The following EDDM13 variants were observed in gnomAD, a reference collection of about 807,000 sequenced individuals.
EDDM13 encodes the protein epididymal protein 13.
Under a neutral mutation model 17.8 loss-of-function variants are expected in EDDM13, and 24 were observed. The ratio of observed to expected loss-of-function variants is 1.35; its 90% CI spans 0.98 to 1.90. EDDM13 has a LOEUF of 1.90. EDDM13 is among the 40% of genes most tolerant of loss of function. The pLI, the probability that EDDM13 is intolerant of heterozygous loss-of-function variation, is 0.00. For missense variants in EDDM13, 97 were observed against 100.8 expected (o/e 0.96, Z 0.16); for synonymous variants, 31 against 37.5 (o/e 0.83, Z 0.63).
At chr19:56,303,975 G>A (rs556374562) in intron 13 of EDDM13, among the ~76,000 whole-genome samples, 1 of 152,284 alleles carries the variant, frequency 6.6e-6, no homozygotes, top group African/African-American at 2.4e-5. Context: ...GACCTGAGAG[G>A]GGCAGGGGGG....
At chr19:56,295,287 A>C (rs2039791935) in intron 9 of EDDM13, 1 of 152,136 alleles carries the variant, frequency 6.6e-6, no homozygotes, top group Non-Finnish European at 1.5e-5. Flanking sequence ...CCTACATTAG[A>C]GTGACACAAA....
intron 1 of EDDM13, among the ~76,000 whole-genome samples, chr19:56,275,381 T>G (rs2038169860): frequency 6.6e-6 from 1 of 152,178 alleles, no homozygotes; most frequent in South Asian, 2.1e-4. Flanking sequence ...TGACTTTTCT[T>G]CTCCATTTAT....
At chr19:56,280,526 T>C (rs1194797889) in intron 2 of EDDM13, 1 of 152,196 alleles carries the variant, frequency 6.6e-6, no homozygotes, top group Non-Finnish European at 1.5e-5. Flanking sequence ...TAGATATATA[T>C]TTCTTTATCA....
chr19:56,302,061 C>G lies in EDDM13; in HGVS notation c.389C>G (p.Thr130Ser). The G allele has an allele frequency of 8.1e-7, 1 of 1,231,830 alleles. No homozygotes were observed. The highest frequency in any genetic ancestry group is 1.0e-6 in the Non-Finnish European group (1 of 988,080). 76.3% of individuals were successfully genotyped at this position (1,231,830 alleles called of 1,614,324 possible). Residue 130 changes from threonine (T) to serine (S), a missense_variant, in exon 13 of 15, where the codon ACC (threonine) becomes AGC (serine). Thr to Ser is a moderately conservative substitution (Grantham distance 58). Coordinates refer to ENST00000649256, the MANE Select transcript of EDDM13 (RefSeq NM_001354658.2). The stretch of plus-strand genomic sequence containing the variant: ...CTGAAATGCGCCTACATGGTGATGA[C>G]CTACCTCTTCGTATCCTACAACAAA... ...NFLKCAYMVM[T>S]YLFVSYNKGD... is the part of the protein sequence containing the mutation.
At chr19:56,298,241 T>C (rs2040006750) in intron 12 of EDDM13, 1 of 151,946 alleles carries the variant, frequency 6.6e-6, no homozygotes, top group Non-Finnish European at 1.5e-5. Flanking sequence ...AAAATAACAA[T>C]AAGGTGATCA....
intron 13 of EDDM13, among the ~76,000 whole-genome samples, chr19:56,303,713 G>A (rs1452206309): frequency 2.0e-5 from 3 of 152,152 alleles, no homozygotes; most frequent in Non-Finnish European, 4.4e-5. Flanking sequence ...ATAGCAGGAG[G>A]ACTGCAGAGA....
chr19:56,291,599 CT>C lies in EDDM13; in HGVS notation c.232+754del, dbSNP rs1344506842. Among the ~76,000 whole-genome samples the C allele has an allele frequency of 2.6e-5, 4 of 152,298 alleles. No homozygotes were observed. The East Asian group carries it at 7.7e-4, about 29-fold the overall frequency. On this transcript the variant is annotated intron_variant, in intron 9 of 14. Transcript: ENST00000649256. ...TGCCCAACAATGCCCACTGGATCTT[CT>C]GCTCCTGGCATCTCATCTCAACAGC...
At chr19:56,302,602 T>TC (rs1458822932) in intron 13 of EDDM13, among the ~76,000 whole-genome samples, 7 of 96,898 alleles carry the variant, frequency 7.2e-5, no homozygotes, top group African/African-American at 2.7e-4. Context: ...CTCTCCCTCT[T>TC]CTTCCTCTCC....
chr19:56,274,239 A>C (rs948196733), intron 1 of EDDM13, among the ~76,000 whole-genome samples: 1 of 152,158 alleles, frequency 6.6e-6, no homozygotes, highest in African/African-American at 2.4e-5. Flanking sequence ...GGATTATTTG[A>C]GGTCAGAAGC....
At chr19:56,307,137 C>G (rs1308821271) in intron 14 of EDDM13, among the ~76,000 whole-genome samples, 1 of 130,126 alleles carries the variant, frequency 7.7e-6, no homozygotes, top group African/African-American at 2.9e-5. Context: ...GCCTCTCCCA[C>G]GTCGCCAGAG....
intron 1 of EDDM13, among the ~76,000 whole-genome samples, chr19:56,273,372 C>T (rs1187391804): frequency 6.6e-6 from 1 of 152,164 alleles, no homozygotes; most frequent in Non-Finnish European, 1.5e-5. Context: ...GGACTTGGGT[C>T]TTGCCATAAC....
intron 12 of EDDM13, among the ~76,000 whole-genome samples, chr19:56,299,266 G>C (rs1221521240): frequency 6.6e-6 from 1 of 151,614 alleles, no homozygotes; most frequent in Admixed American, 6.6e-5. Context: ...TGAGTAGCTG[G>C]GACCACAGGC....
intron 9 of EDDM13, among the ~76,000 whole-genome samples, chr19:56,293,524 T>G (rs1002085685): frequency 2.0e-5 from 3 of 152,152 alleles, no homozygotes; most frequent in African/African-American, 7.2e-5. Flanking sequence ...GCAGAGAGTG[T>G]GCACTGTGGG....
At chr19:56,281,186 T>C (rs1056851790) in intron 2 of EDDM13, among the ~76,000 whole-genome samples, 4 of 152,170 alleles carry the variant, frequency 2.6e-5, no homozygotes, top group African/African-American at 9.7e-5. Flanking sequence ...TGGATCATTA[T>C]CAAGGTCTTC....
chr19:56,280,201 G>A (rs1345762245), intron 2 of EDDM13, among the ~76,000 whole-genome samples: 1 of 152,154 alleles, frequency 6.6e-6, no homozygotes, highest in African/African-American at 2.4e-5. Flanking sequence ...ACACTGTTCT[G>A]TATGCACCTT....
intron 1 of EDDM13, among the ~76,000 whole-genome samples, chr19:56,273,294 A>C (rs1044601521): frequency 3.3e-5 from 5 of 152,206 alleles, no homozygotes; most frequent in Admixed American, 6.5e-5. Flanking sequence ...ACATTACCAT[A>C]GTTAGATAAT....
At chr19:56,301,329 C>G (rs189337424) in intron 12 of EDDM13, among the ~76,000 whole-genome samples, 1 of 152,066 alleles carries the variant, frequency 6.6e-6, no homozygotes, top group Non-Finnish European at 1.5e-5. Context: ...CTGAGGGTGC[C>G]TCCCCTTTTT....
chr19:56,277,161 T>C (rs1019441677), intron 2 of EDDM13, among the ~76,000 whole-genome samples: 3 of 152,100 alleles, frequency 2.0e-5, no homozygotes, highest in Non-Finnish European at 4.4e-5. Context: ...AAACACTGAG[T>C]TACTCAGCAA....
rs991441966 is a variant in EDDM13, at chr19:56,290,039, T to C, written c.227-802T>C. 2.0e-5 allele frequency among the ~76,000 whole-genome samples: 3 copies of C among 152,232 alleles called. No homozygotes were observed. In the East Asian group the frequency reaches 5.8e-4, roughly 29 times the overall value. On this transcript the variant is annotated intron_variant, in intron 8 of 14. Transcript: ENST00000649256. ...AATTCTCCCAAGAGCACTGGTCAAA[T>C]GGAACCCAAGTTATAAAGAGTGGTT...
Sources: gnomAD v4.1 joint callset for allele counts (sites outside exome capture counted in the v4.1 genomes callset) on GRCh38, gnomAD v4.1.1 for gene constraint, MANE v1.5 for transcripts, NCBI Gene and HGNC (gene_info 2026-07-23, HGNC 2026-07-21) for gene names.